Variants in ARHGAP20 observed in about 807,000 individuals in gnomAD.
The protein encoded by ARHGAP20 is Rho GTPase activating protein 20.
A neutral mutation model predicts 73.7 loss-of-function variants in ARHGAP20; 34 were observed. The ratio of observed to expected loss-of-function variants is 0.46; its 90% CI spans 0.35 to 0.61. The LOEUF is 0.61. ARHGAP20 is among the 20% of genes least tolerant of loss of function. ARHGAP20 has a pLI of 0.00. For missense variants in ARHGAP20, 1,314 were observed against 1,420.9 expected (o/e 0.92, Z 1.21); for synonymous variants, 523 against 518.2 (o/e 1.01, Z -0.13).
chr11:110,671,959 T>G (rs146958593), intron 2 of ARHGAP20, among the ~76,000 whole-genome samples: 1 of 152,176 alleles, frequency 6.6e-6, no homozygotes, highest in African/African-American at 2.4e-5. Flanking sequence ...GAAATTGCAG[T>G]TGATACTGCA....
chr11:110,638,935 G>A (rs555417566), intron 2 of ARHGAP20, among the ~76,000 whole-genome samples: 8 of 152,022 alleles, frequency 5.3e-5, no homozygotes, highest in Admixed American at 5.2e-4. Context: ...CACCAACATG[G>A]CACATGAATA....
intron 1 of ARHGAP20, chr11:110,691,017 C>T (rs774698496): frequency 4.1e-5 from 62 of 1,513,478 alleles, no homozygotes; most frequent in South Asian, 4.0e-4. Context: ...ATACTACTAT[C>T]TTTATTTCAC....
intron 9 of ARHGAP20, 49 bp downstream of exon 9, chr11:110,606,512 G>T (rs1490727168): frequency 2.6e-6 from 4 of 1,568,104 alleles, no homozygotes; most frequent in Non-Finnish European, 3.5e-6. Context: ...CTTTGCCTTT[G>T]TACTAAATTT....
chr11:110,624,245 C>G lies in ARHGAP20; in HGVS notation c.420G>C (p.Val140=). 1 of 1,612,956 alleles carries G rather than the reference C, an allele frequency of 6.2e-7. No homozygotes were observed. Among genetic ancestry groups the G allele is most frequent in the Non-Finnish European group, 8.5e-7 (1 of 1,179,546 alleles). ...TGGTGTTGCCTTCTCCCACTTCATCCACACAGCTTGCTGTCCACATATCAG... is the reference window on the plus strand; with the variant it reads ...TGGTGTTGCCTTCTCCCACTTCATCGACACAGCTTGCTGTCCACATATCAG... ...KLTDMWTASC[V]DEVGEGNTNA... Residue 140 remains valine, a synonymous_variant, in exon 4 of 15, where the codon GTG becomes GTC. Transcript: ENST00000683387.
intron 2 of ARHGAP20, among the ~76,000 whole-genome samples, chr11:110,658,722 C>G (rs982555783): frequency 1.3e-5 from 2 of 152,002 alleles, no homozygotes; most frequent in Non-Finnish European, 2.9e-5. Flanking sequence ...ATTTCTGCAC[C>G]GAGAACTGAG....
Position 110,606,565 on chromosome 11 carries a change from C to T in ARHGAP20, c.960G>A (p.Leu320=), listed in dbSNP as rs1189097326. ...KPSRLAAAQQ[L]SDSGHKTFKR... ...CTTTTGCTAGAAGCAACTCACCACT[C>T]AGTTGCTGGGCTGCAGCCAGGCGGC... The change falls in exon 9 of 15, where the codon CTG becomes CTA. Residue 320 remains leucine (L), a synonymous_variant. Coordinates refer to ENST00000683387, the MANE Select transcript of ARHGAP20 (RefSeq NM_001384657.1). 5 of 1,608,240 alleles carry T rather than the reference C, an allele frequency of 3.1e-6. No individual in the cohort carries two copies. Among genetic ancestry groups the T allele is most frequent in the East Asian group, 4.5e-5 (2 of 44,366 alleles).
chr11:110,703,522 C>G (rs1327090817), intron 1 of ARHGAP20, among the ~76,000 whole-genome samples: 1 of 151,312 alleles, frequency 6.6e-6, no homozygotes, highest in Admixed American at 6.6e-5. Flanking sequence ...TGGATTCATT[C>G]ATATATATTC....
intron 12 of ARHGAP20, among the ~76,000 whole-genome samples, chr11:110,585,530 A>C (rs571650679): frequency 6.6e-6 from 1 of 152,290 alleles, no homozygotes; most frequent in African/African-American, 2.4e-5. Context: ...CAAGTAAATA[A>C]TATTGAGATT....
rs1166237535 is a variant in ARHGAP20 at position 110,580,178 on chromosome 11, A to G, written c.2768T>C (p.Leu923Ser). The change falls in exon 15 of 15, where the codon TTA becomes TCA. Residue 923 changes from leucine (L) to serine (S), a missense_variant. By Grantham distance (145) the Leu-to-Ser change is moderately radical. This residue lies in a region of ARHGAP20 where 641 missense variants were observed against 636.9 expected (regional missense o/e 1.01). Transcript: ENST00000683387. ...SATNQNTEKV[L>S]PPRLNLCPRT... ...TGGGCAAAGGTTTAATCTTGGGGGT[A>G]AAACCTTCTCAGTGTTTTGGTTTGT... 6.2e-7 allele frequency: 1 copy of G among 1,614,082 alleles called. No individual in the cohort carries two copies. Among genetic ancestry groups the G allele is most frequent in the Admixed American group, 1.7e-5 (1 of 60,010 alleles).
At chr11:110,647,642 G>GA (rs1182388764) in intron 2 of ARHGAP20, among the ~76,000 whole-genome samples, 1 of 151,874 alleles carries the variant, frequency 6.6e-6, no homozygotes, top group Non-Finnish European at 1.5e-5. Context: ...TCAATTTTTG[G>GA]AAAAAAATTT....
At chr11:110,618,645 T>C (rs1948542637) in intron 4 of ARHGAP20, among the ~76,000 whole-genome samples, 1 of 152,204 alleles carries the variant, frequency 6.6e-6, no homozygotes, top group Non-Finnish European at 1.5e-5. Flanking sequence ...TGATAGCGTA[T>C]ATGCAGTGAT....
At chr11:110,705,795 C>T (rs2135153245) in intron 1 of ARHGAP20, among the ~76,000 whole-genome samples, 1 of 152,244 alleles carries the variant, frequency 6.6e-6, no homozygotes, top group Middle Eastern at 3.4e-3. Context: ...GCTTAGGATT[C>T]AGTGCACCCA....
intron 2 of ARHGAP20, among the ~76,000 whole-genome samples, chr11:110,653,821 C>T (rs1443392893): frequency 2.6e-5 from 4 of 152,056 alleles, no homozygotes; most frequent in Admixed American, 2.6e-4. Flanking sequence ...AACTCAAATG[C>T]CTATCCATGA....
intron 2 of ARHGAP20, among the ~76,000 whole-genome samples, chr11:110,649,927 T>C (rs1949311726): frequency 6.6e-6 from 1 of 152,136 alleles, no homozygotes; most frequent in African/African-American, 2.4e-5. Flanking sequence ...AAAAGGTCAC[T>C]GAGGACAATA....
chr11:110,642,126 TA>T (rs1191073085), intron 2 of ARHGAP20, among the ~76,000 whole-genome samples: 2 of 152,098 alleles, frequency 1.3e-5, no homozygotes, highest in African/African-American at 4.8e-5. Flanking sequence ...CTTCTAAAGT[TA>T]AAAAACTAAC....
At chr11:110,646,956 T>G (rs2134999144) in intron 2 of ARHGAP20, among the ~76,000 whole-genome samples, 1 of 151,778 alleles carries the variant, frequency 6.6e-6, no homozygotes, top group East Asian at 1.9e-4. Flanking sequence ...TTCAAGAAAA[T>G]TTTCAAAAAA....
At chr11:110,598,191 A>T (rs1476342861) in intron 9 of ARHGAP20, among the ~76,000 whole-genome samples, 1 of 147,388 alleles carries the variant, frequency 6.8e-6, no homozygotes, top group African/African-American at 2.5e-5. Flanking sequence ...TTTTTCCCCT[A>T]GAGTAAAAAA....
At chr11:110,669,285 C>T (rs7131453) in intron 2 of ARHGAP20, among the ~76,000 whole-genome samples, 7,879 of 152,120 alleles carry the variant, frequency 0.052, 248 homozygotes, top group Middle Eastern at 0.095. Context: ...TTTATATCTG[C>T]ACTAATAGAA....
At chr11:110,611,536 T>C (rs1238936036) in intron 6 of ARHGAP20, 150 bp from the exon 7 acceptor site, 3 of 452,674 alleles carry the variant, frequency 6.6e-6, no homozygotes, top group Non-Finnish European at 1.2e-5. Flanking sequence ...ACACAAACCT[T>C]TGATTATAAT....
Sources: gnomAD v4.1 joint callset for allele counts (sites outside exome capture counted in the v4.1 genomes callset) on GRCh38, gnomAD v4.1.1 for gene constraint, gnomAD v4.1.1 regional missense constraint, MANE v1.5 for transcripts, NCBI Gene and HGNC (gene_info 2026-07-23, HGNC 2026-07-21) for gene names.